MMP26: variants seen among roughly 807,000 people sequenced by gnomAD.
The protein encoded by MMP26 is matrix metalloproteinase-26.
A neutral mutation model predicts 31.0 loss-of-function variants in MMP26; 33 were observed. That is an observed-to-expected ratio of 1.06 (90% CI 0.81 to 1.42). The LOEUF (loss-of-function observed/expected upper bound fraction) is 1.42. Ranked by LOEUF, MMP26 falls within the 40% of genes most tolerant of loss-of-function variation. The pLI, the probability that MMP26 is intolerant of heterozygous loss-of-function variation, is 0.00. For missense variants in MMP26, 347 were observed against 316.1 expected, an observed-to-expected ratio of 1.10 and a Z score of -0.74; for synonymous variants, 122 against 114.9, an observed-to-expected ratio of 1.06 and a Z score of -0.40.
At chr11:4,750,133 A>G (rs1397275053) in intron 1 of MMP26, among the ~76,000 whole-genome samples, 1 of 152,146 alleles carries the variant, frequency 6.6e-6, no homozygotes, top group Non-Finnish European at 1.5e-5. Context: ...ACATTAACAG[A>G]CAGTTTTCTA....
intron 2 of MMP26, among the ~76,000 whole-genome samples, chr11:4,930,857 A>T (rs1045505871): frequency 2.6e-5 from 4 of 151,922 alleles, no homozygotes; most frequent in Non-Finnish European, 5.9e-5. Flanking sequence ...TATATAAATA[A>T]TATTTACATA....
At chr11:4,759,075 C>T (rs1229314446) in intron 1 of MMP26, among the ~76,000 whole-genome samples, 1 of 125,850 alleles carries the variant, frequency 7.9e-6, no homozygotes, top group African/African-American at 3.1e-5. Flanking sequence ...CATGCCACTG[C>T]ATTCCAGCCT....
intron 1 of MMP26, among the ~76,000 whole-genome samples, chr11:4,740,967 C>A (rs1345241796): frequency 6.6e-6 from 1 of 152,040 alleles, no homozygotes; most frequent in Non-Finnish European, 1.5e-5. Flanking sequence ...TTGCTTTTGG[C>A]GTTTTCATCA....
intron 2 of MMP26, among the ~76,000 whole-genome samples, chr11:4,899,416 A>G (rs1850769486): frequency 6.6e-6 from 1 of 152,208 alleles, no homozygotes; most frequent in Non-Finnish European, 1.5e-5. Context: ...ATCATCTGCC[A>G]TCTCTATAAT....
intron 3 of MMP26, among the ~76,000 whole-genome samples, chr11:4,988,984 C>G (rs1190213276): frequency 6.6e-6 from 1 of 152,154 alleles, no homozygotes; most frequent in East Asian, 1.9e-4. Context: ...GTCAAGTACT[C>G]ATAAGAACTG....
chr11:4,924,327 G>C, intron 2 of MMP26: 1 of 1,606,062 alleles, frequency 6.2e-7, no homozygotes. Flanking sequence ...CTGCTATTAA[G>C]AAGAATTGTC....
intron 2 of MMP26, among the ~76,000 whole-genome samples, chr11:4,959,216 C>T (rs148992522): frequency 0.024 from 2,731 of 113,166 alleles, 40 homozygotes; most frequent in Middle Eastern, 0.089. Context: ...CTAGCCTGGG[C>T]GACAGAGAGA....
intron 2 of MMP26, among the ~76,000 whole-genome samples, chr11:4,824,849 T>A (rs557990202): frequency 2.5e-4 from 38 of 152,196 alleles, no homozygotes; most frequent in African/African-American, 8.9e-4. Flanking sequence ...TTCATGTCAA[T>A]AAACTTTTCT....
At position 4,739,841 on chromosome 11, in the gene MMP26, T is replaced by C. The variant is rs77727743; in HGVS notation, c.-216-27429T>C. ...GAATCAGCCACAAAATAGCCATATG[T>C]CTTTGGTCTTGCCATTTAATGTTAA... On this transcript the variant is annotated intron_variant, in intron 1 of 7. Coordinates refer to ENST00000380390, the MANE Select transcript of MMP26 (RefSeq NM_021801.5). Among the ~76,000 whole-genome samples, 29 of 152,298 alleles carry C rather than the reference T, an allele frequency of 1.9e-4. No individual in the cohort carries two copies. The East Asian group carries it at 5.4e-3, about 28-fold the overall frequency.
chr11:4,726,387 G>A (rs7102658), intron 1 of MMP26, among the ~76,000 whole-genome samples: 45,722 of 151,606 alleles, frequency 0.3, 7,430 homozygotes, highest in African/African-American at 0.4. Context: ...ACTCGAACCC[G>A]GGAGACGGAG....
Position 4,989,745 on chromosome 11 carries a change from C to T in MMP26, c.197C>T (p.Thr66Ile), listed in dbSNP as rs1846966460. The T allele has an allele frequency of 3.1e-6, 5 of 1,613,918 alleles. No individual in the cohort carries two copies. In the African/African-American group the frequency reaches 5.3e-5, roughly 17 times the overall value. Residue 66 changes from threonine to isoleucine, a missense_variant, in exon 4 of 8, where the codon ACA becomes ATA. Physicochemically the swap from Thr to Ile is moderately conservative, Grantham distance 89. Coordinates refer to ENST00000380390, the MANE Select transcript of MMP26 (RefSeq NM_021801.5). ...QLLQQFHRNG[T>I]DLLDMQMHAL... ...CTGCAACAATTCCATCGGAATGGGACAGACCTACTTGACATGCAGATGCAT... is the reference window on the plus strand; with the variant it reads ...CTGCAACAATTCCATCGGAATGGGATAGACCTACTTGACATGCAGATGCAT...
chr11:4,932,954 C>G (rs759466899), intron 2 of MMP26, among the ~76,000 whole-genome samples: 1 of 152,044 alleles, frequency 6.6e-6, no homozygotes, highest in African/African-American at 2.4e-5. Context: ...CTAAGACAAA[C>G]ATTGGCATTG....
chr11:4,803,510 T>C lies in MMP26; in HGVS notation c.-145+36169T>C, dbSNP rs777122446. 9 of 1,613,902 alleles carry C rather than the reference T, an allele frequency of 5.6e-6. No individual in the cohort carries two copies. The African/African-American group carries it at 9.4e-5, about 17-fold the overall frequency. ...GTTCTAACTCCATAAATGATGGGGT[T>C]GAGCATGGGAGGTATCAGTAGATAG... On this transcript the variant is annotated intron_variant, in intron 2 of 7. Transcript: ENST00000380390.
chr11:4,860,605 G>T (rs1281440458), intron 2 of MMP26: 5 of 407,654 alleles, frequency 1.2e-5, no homozygotes, highest in African/African-American at 4.2e-5. Flanking sequence ...CCTCCACTTG[G>T]CTCACAGCTC....
intron 2 of MMP26, among the ~76,000 whole-genome samples, chr11:4,898,788 A>T (rs1451524701): frequency 2.0e-5 from 3 of 150,272 alleles, no homozygotes; most frequent in Admixed American, 1.3e-4. Flanking sequence ...TTTAAATTAG[A>T]GTTTATTAGA....
chr11:4,722,682 G>T (rs1168478331), intron 1 of MMP26: 2 of 719,026 alleles, frequency 2.8e-6, no homozygotes, highest in Non-Finnish European at 5.0e-6. Flanking sequence ...CCTCCCTCCT[G>T]TGCTTTCCCG....
At chr11:4,888,256 AAGAT>A (rs1320897351) in intron 2 of MMP26, among the ~76,000 whole-genome samples, 6 of 152,154 alleles carry the variant, frequency 3.9e-5, no homozygotes, top group African/African-American at 1.4e-4. Flanking sequence ...TCACAAGTAA[AAGAT>A]AGACAAGAAA....
intron 2 of MMP26, among the ~76,000 whole-genome samples, chr11:4,950,873 C>T (rs1169387903): frequency 1.6e-5 from 2 of 123,274 alleles, no homozygotes. Context: ...AAAAGAATAA[C>T]AATCCCAAAT....
At chr11:4,808,892 G>C (rs1431449932) in intron 2 of MMP26, among the ~76,000 whole-genome samples, 1 of 149,978 alleles carries the variant, frequency 6.7e-6, no homozygotes, top group African/African-American at 2.5e-5. Flanking sequence ...ACGGAATCTA[G>C]TGCCGTCACT....
Sources: allele counts gnomAD v4.1 joint callset (sites outside exome capture counted in the v4.1 genomes callset), GRCh38; gene constraint gnomAD v4.1.1; transcripts MANE v1.5; gene names NCBI Gene and HGNC (gene_info 2026-07-23, HGNC 2026-07-21).